Variants in KCTD1 observed in about 807,000 individuals in gnomAD.
KCTD1 encodes the protein potassium channel tetramerization domain containing 1, also known as BTB/POZ domain-containing protein KCTD1.
KCTD1 carries 24 observed loss-of-function variants against 66.0 expected under a neutral mutation model. That is an observed-to-expected ratio of 0.36 (90% CI 0.26 to 0.51). The LOEUF (loss-of-function observed/expected upper bound fraction) is 0.51, where lower values mean the gene tolerates loss of function less well. Among genes scored for constraint, KCTD1 ranks in the 20% least tolerant of loss-of-function variants. KCTD1 has a pLI of 0.95. For synonymous variants in KCTD1, 511 were observed against 517.2 expected (o/e 0.99, Z 0.16); for missense variants, 943 against 1,205.2 (o/e 0.78, Z 3.22).
At chr18:26,643,761 G>C (rs998262360), upstream of KCTD1, among the ~76,000 whole-genome samples, 4 of 152,270 alleles carry the variant, frequency 2.6e-5, no homozygotes, top group Non-Finnish European at 4.4e-5. Flanking sequence ...AGGAGATGGA[G>C]ACCATCCTGG....
At chr18:26,506,782 T>C (rs1160172939) in intron 1 of KCTD1, among the ~76,000 whole-genome samples, 1 of 152,248 alleles carries the variant, frequency 6.6e-6, no homozygotes, top group Non-Finnish European at 1.5e-5. Flanking sequence ...GCTCTGGACC[T>C]GCACAGTTCA....
In KCTD1 at chr18:26,603,751, A is replaced by AAATAAATAAAT. The variant is rs1568006899; in HGVS notation, c.-16+25395_-16+25396insATTTATTTATT. On this transcript the variant is annotated intron_variant, in intron 1 of 4. Coordinates refer to the KCTD1 transcript ENST00000317932. ...GAGTGAGACTGTGTCTCAAAAAAAT[A>AAATAAATAAAT]AAATAAATAAATAAATAAATAAATA... is the stretch of plus-strand genomic sequence containing the variant. Among the ~76,000 whole-genome samples, 377 of 146,858 alleles carry AAATAAATAAAT rather than the reference A, an allele frequency of 2.6e-3. 1 individual carries two copies. Among genetic ancestry groups the AAATAAATAAAT allele is most frequent in the Middle Eastern group, 6.9e-3 (2 of 290 alleles).
chr18:26,508,742 A>C (rs1598905970), intron 1 of KCTD1, among the ~76,000 whole-genome samples: 1 of 148,038 alleles, frequency 6.8e-6, no homozygotes, highest in Non-Finnish European at 1.5e-5. Context: ...ACACACACAC[A>C]CACGCACAAC....
chr18:26,498,077 C>T (rs1982570460), intron 2 of KCTD1, among the ~76,000 whole-genome samples: 1 of 152,100 alleles, frequency 6.6e-6, no homozygotes, highest in African/African-American at 2.4e-5. Flanking sequence ...CATTTAATAC[C>T]CCCAGTAACC....
chr18:26,547,464 C>A lies in KCTD1; in HGVS notation c.1073G>T (p.Arg358Leu). The A allele has an allele frequency of 6.4e-7, 1 of 1,551,478 alleles. No individual in the cohort carries two copies. Among genetic ancestry groups the A allele is most frequent in the African/African-American group, 1.4e-5 (1 of 73,172 alleles). The change falls in exon 1 of 5, where the codon CGC (arginine) becomes CTC (leucine). Residue 358 changes from arginine to leucine, a missense_variant. By Grantham distance (102) the Arg-to-Leu change is moderately radical (BLOSUM62 -2). Transcript: ENST00000580059. Reference protein sequence around the residue: ...FKSLGPYHKSRSSSWSKKRAE... With the variant: ...FKSLGPYHKSLSSSWSKKRAE... Reference sequence around the variant, plus strand: ...GCGCTTCTTGCTCCACGACGACGAGCGCGACTTGTGGTAGGGCCCGAGGGA... The same window carrying A: ...GCGCTTCTTGCTCCACGACGACGAGAGCGACTTGTGGTAGGGCCCGAGGGA...
chr18:26,458,154 A>T (rs1980201458), intron 4 of KCTD1: 2 of 152,282 alleles, frequency 1.3e-5, no homozygotes, highest in Admixed American at 6.5e-5. Context: ...TGAGAACGCG[A>T]ATCTCGTCCT....
intron 1 of KCTD1, among the ~76,000 whole-genome samples, chr18:26,590,065 G>T (rs1986563158): frequency 6.6e-6 from 1 of 152,100 alleles, no homozygotes; most frequent in South Asian, 2.1e-4. Flanking sequence ...CTTCATAAGT[G>T]AATGCGTTAT....
chr18:26,574,259 G>A (rs1368620650), intron 1 of KCTD1, among the ~76,000 whole-genome samples: 2 of 152,084 alleles, frequency 1.3e-5, no homozygotes, highest in Non-Finnish European at 2.9e-5. Context: ...ATAAACACAC[G>A]GCTCCTTTTA....
chr18:26,528,833 C>A (rs9304496), intron 1 of KCTD1, among the ~76,000 whole-genome samples: 1 of 151,988 alleles, frequency 6.6e-6, no homozygotes, highest in Non-Finnish European at 1.5e-5. Flanking sequence ...CCTCCTCCTC[C>A]CCGGCCACTT....
chr18:26,488,066 A>G (rs1701224506), intron 2 of KCTD1, among the ~76,000 whole-genome samples: 1 of 152,240 alleles, frequency 6.6e-6, no homozygotes, highest in Admixed American at 6.5e-5. Context: ...TGCATAAAGA[A>G]TTATCAATGG....
chr18:26,474,977 G>A (rs923118610), intron 3 of KCTD1, among the ~76,000 whole-genome samples: 12 of 152,070 alleles, frequency 7.9e-5, no homozygotes, highest in African/African-American at 2.4e-4. Context: ...AGTGGTGATC[G>A]TCTCAGCACC....
rs187400027 is a variant in KCTD1, at chr18:26,493,203, G to A, written c.1988+7869C>T. ...GGAGTCCTGCCCTGAGTTATTTCAT[G>A]TTAGGATACCCAGTATGACTCATCT... On this transcript the variant is annotated intron_variant, in intron 2 of 4. Transcript: ENST00000580059. Among the ~76,000 whole-genome samples, 531 of 152,260 alleles carry A rather than the reference G, an allele frequency of 3.5e-3. 4 individuals are homozygous for A. The highest frequency in any genetic ancestry group is 0.01 in the Middle Eastern group (3 of 294).
At position 26,476,465 on chromosome 18, in the gene KCTD1, T is replaced by A; in HGVS notation, c.2133+50A>T. 2 of 1,544,176 alleles carry A rather than the reference T, an allele frequency of 1.3e-6. No individual in the cohort carries two copies. The highest frequency in any genetic ancestry group is 1.7e-6 in the Non-Finnish European group (2 of 1,143,514). ...ACTAGAAATATTTTTTTGGAGCACA[T>A]AAAAAAATCACATATTTATGCTATT... is the stretch of plus-strand genomic sequence containing the variant. On this transcript the variant is annotated intron_variant, in intron 3 of 4. Coordinates refer to ENST00000580059, the MANE Select transcript of KCTD1 (RefSeq NM_001142730.3). The surrounding 1 kb of genome is among the most constrained non-coding windows in gnomAD (Gnocchi z 4.9).
intron 1 of KCTD1, 148 bp downstream of exon 1, chr18:26,546,580 A>C: frequency 1.1e-6 from 1 of 884,496 alleles, no homozygotes; most frequent in Non-Finnish European, 1.6e-6. Flanking sequence ...GCACCAAGAG[A>C]GTTAACTTCT....
At chr18:26,488,374 A>AATGCTCTT (rs1982022324) in intron 2 of KCTD1, among the ~76,000 whole-genome samples, 3 of 152,170 alleles carry the variant, frequency 2.0e-5, no homozygotes, top group Non-Finnish European at 4.4e-5. Context: ...GGATATACTT[A>AATGCTCTT]AAAGAGCATT....
chr18:26,474,692 T>TATTC (rs1195663159), intron 3 of KCTD1, among the ~76,000 whole-genome samples: 4 of 152,286 alleles, frequency 2.6e-5, no homozygotes, highest in African/African-American at 2.4e-5. Context: ...TTATGATGGG[T>TATTC]ATTCATCTTT....
intron 2 of KCTD1, among the ~76,000 whole-genome samples, chr18:26,490,104 TAGGAAAGGCC>T (rs1982118754): frequency 6.6e-6 from 1 of 152,106 alleles, no homozygotes; most frequent in African/African-American, 2.4e-5. Context: ...CCAGAGTCAA[TAGGAAAGGCC>T]TCACTCTGCC....
chr18:26,491,114 A>G (rs962579863), intron 2 of KCTD1, among the ~76,000 whole-genome samples: 8 of 152,166 alleles, frequency 5.3e-5, no homozygotes, highest in Non-Finnish European at 1.0e-4. Flanking sequence ...GTGTGAGTGT[A>G]TGCATGCATG....
At chr18:26,644,474 CA>C (rs1177832694), upstream of KCTD1, among the ~76,000 whole-genome samples, 7 of 151,836 alleles carry the variant, frequency 4.6e-5, no homozygotes, top group Admixed American at 3.3e-4. Context: ...AAAGAGGAAG[CA>C]GGGGGCAGGT....
Sources: gnomAD v4.1 joint callset for allele counts (sites outside exome capture counted in the v4.1 genomes callset) on GRCh38, gnomAD v4.1.1 for gene constraint, Gnocchi (gnomAD v3.1) non-coding constraint, MANE v1.5 for transcripts, NCBI Gene and HGNC (gene_info 2026-07-23, HGNC 2026-07-21) for gene names.